The following CFAP100 variants were observed in gnomAD, a reference collection of about 807,000 sequenced individuals.
CFAP100 encodes the protein cilia- and flagella-associated protein 100.
Under a neutral mutation model 81.5 loss-of-function variants are expected in CFAP100, and 70 were observed. The ratio of observed to expected loss-of-function variants is 0.86; its 90% confidence interval spans 0.71 to 1.05. CFAP100 has a LOEUF of 1.05. CFAP100 is among the 50% of genes least tolerant of loss of function. The pLI, the probability that CFAP100 is intolerant of heterozygous loss-of-function variation, is 0.00. For synonymous variants in CFAP100, 341 were observed against 314.8 expected (o/e 1.08, Z -0.88); for missense variants, 811 against 776.5 (o/e 1.04, Z -0.53).
intron 13 of CFAP100, among the ~76,000 whole-genome samples, chr3:126,428,831 G>C (rs1933063788): frequency 6.6e-6 from 1 of 152,130 alleles, no homozygotes; most frequent in Admixed American, 6.5e-5. Context: ...TGCTGGCTGG[G>C]TGTGGTGGCT....
At chr3:126,429,503 G>A (rs148076698) in intron 13 of CFAP100, among the ~76,000 whole-genome samples, 27 of 151,900 alleles carry the variant, frequency 1.8e-4, no homozygotes, top group African/African-American at 6.5e-4. Context: ...TTTTCTGTCT[G>A]TTTCACAGCT....
intron 2 of CFAP100, 106 bp downstream of exon 2, chr3:126,396,155 A>C (rs2082885152): frequency 1.2e-6 from 1 of 862,908 alleles, no homozygotes; most frequent in East Asian, 2.4e-5. Flanking sequence ...ACTAGGCAGG[A>C]GTCATAGATC....
chr3:126,418,040 G>GTATCATTAAA, intron 5 of CFAP100: 1 of 174,152 alleles, frequency 5.7e-6, no homozygotes, highest in Non-Finnish European at 1.2e-5. Context: ...AGTTTGCTCG[G>GTATCATTAAA]GGGGCTTAGG....
rs770960669 is a variant in CFAP100, at chr3:126,416,388, A to G, written c.298A>G (p.Thr100Ala). 6.2e-7 allele frequency: 1 copy of G among 1,611,436 alleles called. No individual in the cohort carries two copies. Reference sequence around the variant, plus strand: ...CTCCTCGAAAGTGTCGGCTAAGCACACCAGCCTGCGGCGGCAGCTGCAGCT... The same window carrying G: ...CTCCTCGAAAGTGTCGGCTAAGCACGCCAGCCTGCGGCGGCAGCTGCAGCT... ...TYSSKVSAKH[T>A]SLRRQLQLED... The change falls in exon 5 of 17, where the codon ACC becomes GCC. Residue 100 changes from threonine (T) to alanine (A), a missense_variant. Coordinates refer to ENST00000352312, the MANE Select transcript of CFAP100 (RefSeq NM_182628.3).
intron 8 of CFAP100, 100 bp downstream of exon 8, chr3:126,419,256 GCT>G: frequency 1.3e-6 from 1 of 742,344 alleles, no homozygotes; most frequent in Non-Finnish European, 2.2e-6. Flanking sequence ...GAACCTCATG[GCT>G]TTACCTCCCA....
At chr3:126,431,497 C>A (rs929911246) in intron 13 of CFAP100, among the ~76,000 whole-genome samples, 67 of 152,144 alleles carry the variant, frequency 4.4e-4, no homozygotes, top group African/African-American at 1.6e-3. Flanking sequence ...ACTATTCTCT[C>A]ACTCTCTATG....
At chr3:126,433,689 G>C (rs896576647) in intron 14 of CFAP100, 3 of 195,534 alleles carry the variant, frequency 1.5e-5, no homozygotes, top group Non-Finnish European at 3.2e-5. Flanking sequence ...ACAGGGCCAA[G>C]GGTGTGGGAT....
chr3:126,400,706 T>C (rs891556193), intron 2 of CFAP100, among the ~76,000 whole-genome samples: 14 of 151,552 alleles, frequency 9.2e-5, no homozygotes, highest in Admixed American at 3.9e-4. Context: ...GAGCCAAGAT[T>C]GCGCCACTGC....
At chr3:126,423,181 G>T (rs1472878256) in intron 11 of CFAP100, 144 bp from the exon 12 acceptor site, 2 of 632,414 alleles carry the variant, frequency 3.2e-6, no homozygotes, top group Non-Finnish European at 2.8e-6. Context: ...GAGGAAGCTG[G>T]TGCTGCCCTC....
At chr3:126,406,487 T>C (rs1346049793) in intron 2 of CFAP100, among the ~76,000 whole-genome samples, 1 of 152,072 alleles carries the variant, frequency 6.6e-6, no homozygotes, top group Non-Finnish European at 1.5e-5. Context: ...AAAGTATTCC[T>C]GGGTGGGAGT....
intron 3 of CFAP100, among the ~76,000 whole-genome samples, chr3:126,409,904 C>G (rs558089450): frequency 1.6e-4 from 25 of 152,242 alleles, no homozygotes; most frequent in African/African-American, 4.8e-4. Flanking sequence ...TAAAAGGCAC[C>G]AATAAAAAGT....
chr3:126,418,989 G>A, intron 7 of CFAP100, 87 bp from the exon 8 acceptor site: 1 of 995,232 alleles, frequency 1.0e-6, no homozygotes, highest in Non-Finnish European at 1.5e-6. Flanking sequence ...CAGCCCTGGG[G>A]CCTGTGGGTG....
At chr3:126,401,964 G>T (rs1299154734) in intron 2 of CFAP100, among the ~76,000 whole-genome samples, 1 of 152,184 alleles carries the variant, frequency 6.6e-6, no homozygotes, top group Non-Finnish European at 1.5e-5. Context: ...CTGCTCCCAT[G>T]GTGCCTCCTC....
chr3:126,429,589 TTTTCTC>T (rs897137107), intron 13 of CFAP100, among the ~76,000 whole-genome samples: 4 of 150,462 alleles, frequency 2.7e-5, no homozygotes, highest in Non-Finnish European at 5.9e-5. Context: ...GCTTTGATTC[TTTTCTC>T]TTTATCTTCT....
At chr3:126,425,574 C>G (rs555747338) in intron 13 of CFAP100, among the ~76,000 whole-genome samples, 1 of 152,200 alleles carries the variant, frequency 6.6e-6, no homozygotes, top group Admixed American at 6.5e-5. Context: ...TTCTATGAAG[C>G]CAGTATGACC....
intron 13 of CFAP100, 137 bp downstream of exon 13, chr3:126,423,781 C>A: frequency 9.1e-7 from 1 of 1,099,730 alleles, no homozygotes; most frequent in Non-Finnish European, 1.3e-6. Context: ...TGAAAAGCTC[C>A]GAGCGAAGCT....
chr3:126,426,033 T>C (rs1373838277), intron 13 of CFAP100, among the ~76,000 whole-genome samples: 7 of 152,230 alleles, frequency 4.6e-5, no homozygotes, highest in Non-Finnish European at 1.0e-4. Context: ...ACTACTACTT[T>C]TCAATATTGT....
At chr3:126,413,968 C>A (rs1560068983) in intron 3 of CFAP100, 117 bp from the exon 4 acceptor site, 9 of 745,278 alleles carry the variant, frequency 1.2e-5, no homozygotes, top group Non-Finnish European at 2.2e-5. Context: ...CAGGGGGAAC[C>A]TTCCCACTCA....
intron 11 of CFAP100, 103 bp downstream of exon 11, chr3:126,420,332 T>C (rs2083310972): frequency 6.8e-7 from 1 of 1,475,772 alleles, no homozygotes; most frequent in African/African-American, 1.4e-5. Context: ...AAAGAAAGTG[T>C]GTTACTCACA....
Sources: gnomAD v4.1 joint callset for allele counts (sites outside exome capture counted in the v4.1 genomes callset) on GRCh38, gnomAD v4.1.1 for gene constraint, MANE v1.5 for transcripts, NCBI Gene and HGNC (gene_info 2026-07-23, HGNC 2026-07-21) for gene names.